The following SCLT1 variants were observed in gnomAD, a reference collection of about 807,000 sequenced individuals.
SCLT1 encodes the protein sodium channel and clathrin linker 1, also known as sodium channel-associated protein 1.
In SCLT1, 78 loss-of-function variants were observed where a neutral mutation model predicts 112.8. That is an observed-to-expected ratio of 0.69 (90% CI 0.58 to 0.83). The LOEUF is 0.83. Among genes scored for constraint, SCLT1 ranks in the 40% least tolerant of loss-of-function variants. The pLI, the probability that SCLT1 is intolerant of heterozygous loss-of-function variation, is 0.00. For missense variants in SCLT1, 747 were observed against 770.4 expected, an observed-to-expected ratio of 0.97 and a Z score of 0.36; for synonymous variants, 257 against 254.7, an observed-to-expected ratio of 1.01 and a Z score of -0.09.
intron 7 of SCLT1, among the ~76,000 whole-genome samples, chr4:128,998,470 TGAAA>T (rs1383341540): frequency 6.6e-6 from 1 of 151,878 alleles, no homozygotes; most frequent in African/African-American, 2.4e-5. Context: ...GTAAATATAC[TGAAA>T]GACAGAATTA....
chr4:129,057,065 C>T (rs1018770708), intron 2 of SCLT1, among the ~76,000 whole-genome samples: 10 of 152,046 alleles, frequency 6.6e-5, no homozygotes, highest in African/African-American at 2.4e-4. Flanking sequence ...AATTTTATCG[C>T]TTGCTTTTTT....
intron 5 of SCLT1, among the ~76,000 whole-genome samples, chr4:129,030,234 A>T (rs1746580618): frequency 6.6e-6 from 1 of 152,050 alleles, no homozygotes; most frequent in Non-Finnish European, 1.5e-5. Context: ...CAAAACTGAG[A>T]CAGAAATCAA....
intron 5 of SCLT1, among the ~76,000 whole-genome samples, chr4:129,030,100 T>A (rs1322717017): frequency 6.6e-6 from 1 of 152,106 alleles, no homozygotes; most frequent in African/African-American, 2.4e-5. Flanking sequence ...ATGGAGTTCA[T>A]AACAAACAGT....
At chr4:129,038,026 G>C in intron 5 of SCLT1, 1 of 152,996 alleles carries the variant, frequency 6.5e-6, no homozygotes, top group Non-Finnish European at 1.5e-5. Context: ...CCCAGCTACT[G>C]GGGAGGCTGA....
intron 9 of SCLT1, among the ~76,000 whole-genome samples, chr4:128,989,915 CTTGAATAGACCAATAACAAACAAGGAGAT>C (rs2126065691): frequency 6.6e-6 from 1 of 150,772 alleles, no homozygotes; most frequent in East Asian, 2.0e-4. Flanking sequence ...AAATACAAAA[CTTGAATAGACCAATAACAAACAAGGAGAT>C]AGAAGTGGCA....
chr4:128,949,714 C>CT (rs1042395673), intron 14 of SCLT1, among the ~76,000 whole-genome samples: 8 of 151,368 alleles, frequency 5.3e-5, no homozygotes, highest in African/African-American at 1.7e-4. Flanking sequence ...TGAACTCATC[C>CT]TTTTTTATGG....
chr4:129,071,865 T>G (rs1751040331), intron 2 of SCLT1, among the ~76,000 whole-genome samples: 2 of 152,126 alleles, frequency 1.3e-5, no homozygotes, highest in African/African-American at 4.8e-5. Flanking sequence ...GTACTTTGGT[T>G]TTTTTGTTTT....
At position 128,994,943 on chromosome 4, in the gene SCLT1, C is replaced by T. The variant is rs568789690; in HGVS notation, c.616-2706G>A. 3.9e-5 allele frequency among the ~76,000 whole-genome samples: 6 copies of T among 152,180 alleles called. No homozygotes were observed. In the South Asian group the frequency reaches 6.2e-4, roughly 16 times the overall value. ...GGAGATTATTCCCTTATTGGATATA[C>T]GGTCTGCAAATATTTTGTCCCATTC... On this transcript the variant is annotated intron_variant, in intron 8 of 20. Transcript: ENST00000281142.
intron 16 of SCLT1, chr4:128,944,598 A>C (rs1050486598): frequency 6.6e-6 from 1 of 152,200 alleles, no homozygotes; most frequent in African/African-American, 2.4e-5. Context: ...AAGGAGATGC[A>C]AGACTACAGC....
intron 18 of SCLT1, among the ~76,000 whole-genome samples, chr4:128,918,394 A>T (rs1735630133): frequency 1.3e-5 from 2 of 152,236 alleles, no homozygotes; most frequent in Non-Finnish European, 2.9e-5. Context: ...AATACAATCA[A>T]TCACAAGTAT....
chr4:128,873,970 T>TTAAC (rs760275842), intron 5 of SCLT1: 2 of 152,664 alleles, frequency 1.3e-5, no homozygotes, highest in Non-Finnish European at 2.9e-5. Flanking sequence ...AAACCAAGTC[T>TTAAC]TAACTTTTCA....
At chr4:128,902,543 T>C (rs1282742280) in intron 18 of SCLT1, among the ~76,000 whole-genome samples, 1 of 152,046 alleles carries the variant, frequency 6.6e-6, no homozygotes, top group Non-Finnish European at 1.5e-5. Context: ...GTATAAAAGA[T>C]AAAAAATGGT....
intron 9 of SCLT1, among the ~76,000 whole-genome samples, chr4:128,972,791 T>G (rs1740804100): frequency 6.6e-6 from 1 of 152,208 alleles, no homozygotes; most frequent in South Asian, 2.1e-4. Flanking sequence ...TGGTCTCCTC[T>G]TTTGTTCATT....
intron 5 of SCLT1, among the ~76,000 whole-genome samples, chr4:129,016,180 A>G (rs182186877): frequency 1.3e-4 from 20 of 152,098 alleles, no homozygotes; most frequent in Admixed American, 9.8e-4. Context: ...GTTTTATCTT[A>G]TTTTAAGATC....
At chr4:128,915,183 G>A (rs1216083277) in intron 18 of SCLT1, among the ~76,000 whole-genome samples, 1 of 152,102 alleles carries the variant, frequency 6.6e-6, no homozygotes, top group African/African-American at 2.4e-5. Context: ...TATAGATACC[G>A]ATTCAACATA....
At chr4:128,905,880 C>T (rs1734654121) in intron 18 of SCLT1, among the ~76,000 whole-genome samples, 1 of 151,410 alleles carries the variant, frequency 6.6e-6, no homozygotes, top group African/African-American at 2.4e-5. Context: ...CACATGACTC[C>T]ATTTATTTTC....
At chr4:128,937,958 A>G (rs1265232294) in intron 17 of SCLT1, among the ~76,000 whole-genome samples, 1 of 152,180 alleles carries the variant, frequency 6.6e-6, no homozygotes, top group Non-Finnish European at 1.5e-5. Context: ...GGGGAAATTG[A>G]GAAAAAAGTT....
chr4:128,920,086 C>T (rs1195484397), intron 18 of SCLT1, among the ~76,000 whole-genome samples: 1 of 151,994 alleles, frequency 6.6e-6, no homozygotes, highest in East Asian at 1.9e-4. Flanking sequence ...CTGACAAAGA[C>T]ACAAGAAAAA....
intron 20 of SCLT1, among the ~76,000 whole-genome samples, chr4:128,884,903 T>G (rs538369573): frequency 3.3e-5 from 5 of 152,318 alleles, no homozygotes; most frequent in African/African-American, 1.2e-4. Context: ...CACCTTGGTC[T>G]CAAAGTACTG....
Sources: allele counts gnomAD v4.1 joint callset (sites outside exome capture counted in the v4.1 genomes callset), GRCh38; gene constraint gnomAD v4.1.1; transcripts MANE v1.5; gene names NCBI Gene and HGNC (gene_info 2026-07-23, HGNC 2026-07-21).